Variants in PCCB observed in about 807,000 individuals in gnomAD.
PCCB encodes the protein propionyl-CoA carboxylase beta chain, mitochondrial.
A neutral mutation model predicts 60.7 loss-of-function variants in PCCB; 43 were observed. That is an observed-to-expected ratio of 0.71 (90% CI 0.55 to 0.91). The LOEUF is 0.91. Ranked by LOEUF, PCCB falls within the 40% of genes least tolerant of loss-of-function variation. The probability of loss-of-function intolerance (pLI) is 0.00; values close to 1 mark genes in which losing one functional copy is unlikely to be tolerated. For synonymous variants in PCCB, 276 were observed against 255.9 expected, an observed-to-expected ratio of 1.08 and a Z score of -0.75; for missense variants, 766 against 702.8, an observed-to-expected ratio of 1.09 and a Z score of -1.02.
chr3:136,296,284 C>G lies in PCCB; in HGVS notation c.764-1668C>G, dbSNP rs116154490. On this transcript the variant is annotated intron_variant, in intron 7 of 14. Coordinates refer to ENST00000251654, the MANE Select transcript of PCCB (RefSeq NM_000532.5). Reference sequence around the variant, plus strand: ...CATTTCAACCACAGATACTTCTGCTCTAGGCAATTACCAGGCTACTTTCTG... The same window carrying G: ...CATTTCAACCACAGATACTTCTGCTGTAGGCAATTACCAGGCTACTTTCTG... Among the ~76,000 whole-genome samples, 1,002 of 152,292 alleles carry G rather than the reference C, an allele frequency of 6.6e-3. 10 individuals carry two copies. Among genetic ancestry groups the G allele is most frequent in the African/African-American group, 0.023 (968 of 41,562 alleles).
At chr3:136,268,695 C>G (rs758942709) in intron 5 of PCCB, among the ~76,000 whole-genome samples, 1 of 151,970 alleles carries the variant, frequency 6.6e-6, no homozygotes, top group Non-Finnish European at 1.5e-5. Context: ...AACACCTGAT[C>G]TCAGGTGATC....
intron 3 of PCCB, among the ~76,000 whole-genome samples, chr3:136,259,397 G>A (rs143402005): frequency 9.1e-4 from 139 of 152,216 alleles, no homozygotes; most frequent in African/African-American, 2.9e-3. Context: ...CCTGGGAGGC[G>A]GAGGATACAG....
chr3:136,268,082 G>T (rs1942059725), intron 5 of PCCB, among the ~76,000 whole-genome samples: 1 of 92,762 alleles, frequency 1.1e-5, no homozygotes, highest in Admixed American at 1.3e-4. Context: ...GTGTGTGTGT[G>T]TGTAGATATA....
In PCCB at chr3:136,326,687, A is replaced by ATTC. The variant is rs542571482; in HGVS notation, c.1091-116_1091-115insTTC. On this transcript the variant is annotated intron_variant, in intron 10 of 14. Coordinates refer to ENST00000251654, the MANE Select transcript of PCCB (RefSeq NM_000532.5). ...TCCTTGTTACCATTCTGCAACAAAG[A>ATTC]AGTGTTGGTGCCTCCACAGAAACCA... 4.1e-4 allele frequency: 325 copies of ATTC among 786,192 alleles called. 2 individuals carry two copies. Among genetic ancestry groups the ATTC allele is most frequent in the South Asian group, 3.6e-3 (267 of 73,702 alleles). The allele number at this position is 786,192 out of a possible 1,614,324, so 48.7% of individuals were successfully genotyped here. A position where few individuals can be genotyped will look rare whatever the true frequency, so the allele number is the denominator to read the frequency against.
Position 136,261,948 on chromosome 3 carries a change from T to G in PCCB, c.430-4T>G. The G allele has an allele frequency of 1.3e-6, 2 of 1,530,818 alleles. No homozygotes were observed. The highest frequency in any genetic ancestry group is 2.4e-5 in the East Asian group (1 of 41,548). 94.8% of individuals were successfully genotyped at this position (1,530,818 alleles called of 1,614,324 possible). A position where few individuals can be genotyped will look rare whatever the true frequency, so the allele number is the denominator to read the frequency against. On this transcript the variant is annotated splice_region_variant and splice_polypyrimidine_tract_variant and intron_variant, in intron 4 of 14. Transcript: ENST00000251654. ...CTCAATAAAAGATTTCTCTGCTGTC[T>G]CAGATCATGGACCAGGCCATAACGG...
chr3:136,250,643 C>G, intron 1 of PCCB, 85 bp downstream of exon 1: 1 of 1,351,308 alleles, frequency 7.4e-7, no homozygotes, highest in East Asian at 2.5e-5. Context: ...TCCGAGGCCT[C>G]CCTGCCAATC....
intron 9 of PCCB, among the ~76,000 whole-genome samples, chr3:136,307,544 A>G (rs1009816149): frequency 2.0e-5 from 3 of 152,214 alleles, no homozygotes; most frequent in African/African-American, 7.2e-5. Flanking sequence ...TTACAAAGGT[A>G]ACCACTAGAC....
intron 5 of PCCB, among the ~76,000 whole-genome samples, chr3:136,277,555 G>A (rs112832757): frequency 0.012 from 1,852 of 151,826 alleles, 34 homozygotes; most frequent in East Asian, 0.047. Context: ...GGTCAGGTGG[G>A]TCTACACTCT....
intron 1 of PCCB, among the ~76,000 whole-genome samples, chr3:136,250,799 T>TG (rs1428595223): frequency 6.6e-6 from 1 of 152,252 alleles, no homozygotes; most frequent in East Asian, 1.9e-4. Flanking sequence ...CTGGCTCGTC[T>TG]CTAGCCAGCT....
chr3:136,292,427 A>G (rs755022458), intron 6 of PCCB, among the ~76,000 whole-genome samples: 6 of 152,360 alleles, frequency 3.9e-5, no homozygotes, highest in Admixed American at 1.3e-4. Flanking sequence ...AAAAAAGCCA[A>G]TGATGTATTA....
intron 6 of PCCB, among the ~76,000 whole-genome samples, chr3:136,291,682 G>A (rs1000979444): frequency 6.6e-6 from 1 of 152,122 alleles, no homozygotes; most frequent in Non-Finnish European, 1.5e-5. Context: ...CTTCCCTCGC[G>A]TCAGCAGTTT....
At chr3:136,251,336 C>T (rs1404698790) in intron 1 of PCCB, 1 of 456,646 alleles carries the variant, frequency 2.2e-6, no homozygotes, top group East Asian at 7.0e-5. Flanking sequence ...GTGTCCGTGA[C>T]TGGTGGGTGA....
At chr3:136,288,871 C>T (rs1355087081) in intron 6 of PCCB, among the ~76,000 whole-genome samples, 3 of 152,064 alleles carry the variant, frequency 2.0e-5, no homozygotes, top group Admixed American at 1.3e-4. Context: ...GGTGCGATCT[C>T]GGCTCACTGC....
intron 9 of PCCB, among the ~76,000 whole-genome samples, chr3:136,309,280 A>AT (rs1934568453): frequency 1.3e-5 from 2 of 151,010 alleles, no homozygotes; most frequent in Non-Finnish European, 3.0e-5. Flanking sequence ...AAAAAAAAAA[A>AT]GAAAAGAAAA....
intron 9 of PCCB, among the ~76,000 whole-genome samples, chr3:136,310,048 A>G (rs1934600945): frequency 6.6e-6 from 1 of 152,140 alleles, no homozygotes; most frequent in South Asian, 2.1e-4. Context: ...CCTGGGCAAC[A>G]TGACGAAACT....
intron 4 of PCCB, among the ~76,000 whole-genome samples, chr3:136,260,943 CTG>C (rs1941804351): frequency 6.6e-6 from 1 of 152,264 alleles, no homozygotes; most frequent in East Asian, 1.9e-4. Flanking sequence ...GTAAAAATAT[CTG>C]TGGCTTCTAA....
chr3:136,308,020 C>T (rs1267931259), intron 9 of PCCB, among the ~76,000 whole-genome samples: 1 of 151,708 alleles, frequency 6.6e-6, no homozygotes, highest in Non-Finnish European at 1.5e-5. Context: ...AAAAAAGTGT[C>T]ATACCAATAA....
At chr3:136,319,941 G>A (rs189547296) in intron 10 of PCCB, among the ~76,000 whole-genome samples, 102 of 152,272 alleles carry the variant, frequency 6.7e-4, no homozygotes, top group African/African-American at 2.3e-3. Context: ...TTCCAGCACC[G>A]TTTGTTGAAG....
chr3:136,255,844 G>A lies in PCCB; in HGVS notation c.184-12G>A. On this transcript the variant is annotated splice_polypyrimidine_tract_variant and intron_variant, in intron 1 of 14. Coordinates refer to ENST00000251654, the MANE Select transcript of PCCB (RefSeq NM_000532.5). The stretch of plus-strand genomic sequence containing the variant: ...GTGATGACATCACTGAGTGATCTTT[G>A]TTCCATTGTAGGGAAAGCTAACAGC... 6.2e-7 allele frequency: 1 copy of A among 1,613,108 alleles called. No homozygotes were observed. Among genetic ancestry groups the A allele is most frequent in the East Asian group, 2.2e-5 (1 of 44,878 alleles).
Sources: gnomAD v4.1 joint callset for allele counts (sites outside exome capture counted in the v4.1 genomes callset) on GRCh38, gnomAD v4.1.1 for gene constraint, MANE v1.5 for transcripts, NCBI Gene and HGNC (gene_info 2026-07-23, HGNC 2026-07-21) for gene names.